PTPN23: variants seen among roughly 807,000 people sequenced by gnomAD.
PTPN23 encodes the protein tyrosine-protein phosphatase non-receptor type 23.
Under a neutral mutation model 156.3 loss-of-function variants are expected in PTPN23, and 72 were observed. That is an observed-to-expected ratio of 0.46 (90% CI 0.38 to 0.56). PTPN23 has a LOEUF of 0.56. PTPN23 is among the 20% of genes least tolerant of loss of function. The pLI is 0.00. For missense variants in PTPN23, 1,974 were observed against 2,171.5 expected (o/e 0.91, Z 1.81); for synonymous variants, 957 against 899.6 (o/e 1.06, Z -1.14).
Position 47,406,608 on chromosome 3 carries a change from C to T in PTPN23, c.755C>T (p.Ala252Val). ...QMKIYYFAAV[A>V]HLHMGKQAEE... is the part of the protein sequence containing the mutation. ...AAGATCTACTACTTCGCAGCCGTGG[C>T]TCATGTGAGGGCCTGGGGCCCCAGG... Residue 252 changes from alanine to valine, a missense_variant, in exon 8 of 25, where the codon GCT becomes GTT. This residue lies in a region of PTPN23 where 726 missense variants were observed against 929.5 expected (regional missense o/e 0.78). Transcript: ENST00000265562. The surrounding 1 kb of genome is among the most constrained non-coding windows in gnomAD (Gnocchi z 5.8). 1 of 1,613,846 alleles carries T rather than the reference C, an allele frequency of 6.2e-7. No individual in the cohort carries two copies. Among genetic ancestry groups the T allele is most frequent in the Non-Finnish European group, 8.5e-7 (1 of 1,179,974 alleles).
rs1029269195 is a variant in PTPN23, at chr3:47,406,060, C to G, written c.546+14C>G. 5 of 1,609,664 alleles carry G rather than the reference C, an allele frequency of 3.1e-6. No individual in the cohort carries two copies. The highest frequency in any genetic ancestry group is 2.7e-5 in the African/African-American group (2 of 74,858). On this transcript the variant is annotated intron_variant, in intron 6 of 24. Transcript: ENST00000265562. This position sits in a 1 kb window ranked among gnomAD's most constrained non-coding sequence, Gnocchi z 5.8. Reference sequence around the variant, plus strand: ...AACCTCATGCTGGTGAGGAGGCGCCCTGGTTGGAGTGGAGTTGAATCCAGG... The same window carrying G: ...AACCTCATGCTGGTGAGGAGGCGCCGTGGTTGGAGTGGAGTTGAATCCAGG...
chr3:47,398,783 T>G (rs1381507752), intron 2 of PTPN23, among the ~76,000 whole-genome samples: 2 of 152,204 alleles, frequency 1.3e-5, no homozygotes, highest in African/African-American at 4.8e-5. Flanking sequence ...CAGGCTGGTC[T>G]CAAACTCCTG....
rs755252591 is a variant in PTPN23, at chr3:47,412,700, TCTC to T, written c.4432-5_4432-3del. On this transcript the variant is annotated splice_region_variant and splice_polypyrimidine_tract_variant and intron_variant, in intron 24 of 24. Coordinates refer to ENST00000265562, the MANE Select transcript of PTPN23 (RefSeq NM_015466.4). Reference sequence around the variant, plus strand: ...CTCCCTCTCCTCACTCACTCTGTCTTCTCAGAACCACCTTCCTCAGGACTCCCA... The same window carrying T: ...CTCCCTCTCCTCACTCACTCTGTCTTAGAACCACCTTCCTCAGGACTCCCA... The T allele has an allele frequency of 6.3e-7, 1 of 1,597,260 alleles. No individual in the cohort carries two copies. The highest frequency in any genetic ancestry group is 1.7e-5 in the Admixed American group (1 of 59,354).
rs2107715895 is a variant in PTPN23 at position 47,406,808 on chromosome 3, TG to T, written c.807+59del. The T allele has an allele frequency of 6.2e-7, 1 of 1,602,366 alleles. No homozygotes were observed. Among genetic ancestry groups the T allele is most frequent in the African/African-American group, 1.3e-5 (1 of 74,782 alleles). ...ATGGCAGCCTTCAGTGAGATGCCGG[TG>T]TGCTCCCGCTCCTTACACACCAGGG... On this transcript the variant is annotated intron_variant, in intron 9 of 24. Coordinates refer to ENST00000265562, the MANE Select transcript of PTPN23 (RefSeq NM_015466.4). This position sits in a 1 kb window ranked among gnomAD's most constrained non-coding sequence, Gnocchi z 5.8.
At position 47,411,618 on chromosome 3, in the gene PTPN23, T is replaced by C; in HGVS notation, c.3820T>C (p.Trp1274Arg). 1 of 1,612,046 alleles carries C rather than the reference T, an allele frequency of 6.2e-7. No individual in the cohort carries two copies. The highest frequency in any genetic ancestry group is 2.2e-5 in the East Asian group (1 of 44,846). ...APLPGTAADF[W>R]LMVHEQKVSV... The stretch of plus-strand genomic sequence containing the variant: ...ACTGCCTGGCACAGCTGCTGACTTC[T>C]GGCTCATGGTCCATGAGCAGAAAGT... The change falls in exon 20 of 25, where the codon TGG (tryptophan) becomes CGG (arginine). Residue 1274 changes from tryptophan to arginine, a missense_variant. By Grantham distance (101) the Trp-to-Arg change is moderately radical. Around this residue, in one of 4 missense-constraint regions of PTPN23, gnomAD observed 484 missense variants for 516.0 expected, o/e 0.94. Coordinates refer to ENST00000265562, the MANE Select transcript of PTPN23 (RefSeq NM_015466.4). This position sits in a 1 kb window ranked among gnomAD's most constrained non-coding sequence, Gnocchi z 6.3.
Position 47,413,258 on chromosome 3 carries a change from C to A in PTPN23, c.*73C>A. ...GCCCACCTGCCCACACCCAGCAGAG[C>A]TTCTCAGTGGGCACAGTCTCTTACT... On this transcript the variant is annotated 3_prime_UTR_variant, in exon 25 of 25. Coordinates refer to ENST00000265562, the MANE Select transcript of PTPN23 (RefSeq NM_015466.4). The A allele has an allele frequency of 6.5e-7, 1 of 1,528,212 alleles. No homozygotes were observed. The highest frequency in any genetic ancestry group is 8.9e-7 in the Non-Finnish European group (1 of 1,129,094). The allele number at this position is 1,528,212 out of a possible 1,614,324, so 94.7% of individuals were successfully genotyped here.
rs1257032976 is a variant in PTPN23, at chr3:47,402,599, GA to G, written c.160-2051del. Among the ~76,000 whole-genome samples, 3 of 152,018 alleles carry G rather than the reference GA, an allele frequency of 2.0e-5. No individual in the cohort carries two copies. In the East Asian group the frequency reaches 5.8e-4, roughly 29 times the overall value. ...CCAGCCATATCTATCTATTTATATAGAATAAGATAAATTACTTAAATCCTGT... is the reference window on the plus strand; with the variant it reads ...CCAGCCATATCTATCTATTTATATAGATAAGATAAATTACTTAAATCCTGT... On this transcript the variant is annotated intron_variant, in intron 2 of 24. Coordinates refer to ENST00000265562, the MANE Select transcript of PTPN23 (RefSeq NM_015466.4).
At chr3:47,404,609 C>CTATGG in intron 2 of PTPN23, 43 bp from the exon 3 acceptor site, 2 of 1,607,184 alleles carry the variant, frequency 1.2e-6, no homozygotes, top group Non-Finnish European at 1.7e-6. Flanking sequence ...GTGTCCACTG[C>CTATGG]CCCATATGAC....
intron 21 of PTPN23, 46 bp downstream of exon 21, chr3:47,412,013 C>T: frequency 1.9e-6 from 3 of 1,606,382 alleles, no homozygotes; most frequent in Admixed American, 3.4e-5. Context: ...AAGTGCTGTC[C>T]AGTCCTTGGT....
At chr3:47,385,172 G>A (rs1283345749) in intron 1 of PTPN23, among the ~76,000 whole-genome samples, 1 of 152,182 alleles carries the variant, frequency 6.6e-6, no homozygotes, top group Non-Finnish European at 1.5e-5. Flanking sequence ...GATGACTCTT[G>A]TCCTCTTTAT....
At chr3:47,403,978 C>A (rs1453437931) in intron 2 of PTPN23, among the ~76,000 whole-genome samples, 1 of 152,198 alleles carries the variant, frequency 6.6e-6, no homozygotes, top group Non-Finnish European at 1.5e-5. Flanking sequence ...CACCTTTAAT[C>A]CCATCACTTT....
In PTPN23 at chr3:47,407,409, G is replaced by C. The variant is rs763813738; in HGVS notation, c.923+42G>C. ...GGCCCTGGTTCCCTCTTTTTGTGAA[G>C]GGTCTTGTCCCTCTGCTGGCATCTA... On this transcript the variant is annotated intron_variant, in intron 11 of 24. Transcript: ENST00000265562. The surrounding 1 kb of genome is among the most constrained non-coding windows in gnomAD (Gnocchi z 4.0). The C allele has an allele frequency of 1.9e-6, 3 of 1,612,002 alleles. No individual in the cohort carries two copies. The East Asian group carries it at 6.7e-5, about 36-fold the overall frequency.
rs142355354 is a variant in PTPN23, at chr3:47,406,736, A to C, written c.793A>C (p.Lys265Gln). ...GGGAAAGCAGGCCGAGGAGCAGCAG[A>C]AGTTCGGGGAGCGGGTGAGCTACAG... ...HMGKQAEEQQ[K>Q]FGERVAYFQS... The change falls in exon 9 of 25, where the codon AAG becomes CAG. Residue 265 changes from lysine to glutamine, a missense_variant. Transcript: ENST00000265562. The surrounding 1 kb of genome is among the most constrained non-coding windows in gnomAD (Gnocchi z 5.8). 17 of 1,613,722 alleles carry C rather than the reference A, an allele frequency of 1.1e-5. No homozygotes were observed. In the East Asian group the frequency reaches 1.1e-4, roughly 11 times the overall value.
intron 1 of PTPN23, among the ~76,000 whole-genome samples, chr3:47,390,273 A>G (rs1251709403): frequency 1.3e-5 from 2 of 152,044 alleles, no homozygotes; most frequent in Admixed American, 6.6e-5. Flanking sequence ...TTTCACAGCA[A>G]CTCAGGGGCA....
chr3:47,407,627 G>T lies in PTPN23; in HGVS notation c.1003+43G>T, dbSNP rs1033569456. ...TGGGGGCAGAGGTGACGGTGGGGTG[G>T]GGACAGGACACAGGAGGCTGCCTCA... On this transcript the variant is annotated intron_variant, in intron 12 of 24. Coordinates refer to ENST00000265562, the MANE Select transcript of PTPN23 (RefSeq NM_015466.4). The surrounding 1 kb of genome is among the most constrained non-coding windows in gnomAD (Gnocchi z 4.0). 26 of 1,605,620 alleles carry T rather than the reference G, an allele frequency of 1.6e-5. No homozygotes were observed. Among genetic ancestry groups the T allele is most frequent in the Non-Finnish European group, 2.1e-5 (25 of 1,172,632 alleles).
Position 47,406,525 on chromosome 3 carries a change from C to T in PTPN23, c.672C>T (p.Pro224=), listed in dbSNP as rs375545134. 2.7e-5 allele frequency: 44 copies of T among 1,613,842 alleles called. No homozygotes were observed. Among genetic ancestry groups the T allele is most frequent in the African/African-American group, 4.0e-5 (3 of 74,914 alleles). The change falls in exon 8 of 25, where the codon CCC becomes CCT. Residue 224 remains proline (P), a synonymous_variant. Coordinates refer to ENST00000265562, the MANE Select transcript of PTPN23 (RefSeq NM_015466.4). This position sits in a 1 kb window ranked among gnomAD's most constrained non-coding sequence, Gnocchi z 5.8. ...YKEACRALEN[P]DTASLLGRIQ... is the part of the protein sequence containing the mutation. ...AGGCATGCCGGGCCTTGGAGAACCC[C>T]GACACTGCCTCACTGCTGGGCCGGA...
chr3:47,396,290 T>G (rs1046477095), intron 2 of PTPN23, 73 bp downstream of exon 2: 9 of 1,310,142 alleles, frequency 6.9e-6, no homozygotes, highest in Non-Finnish European at 8.6e-6. Flanking sequence ...AGAAACTGCC[T>G]AGGCTGGGCA....
rs1253448805 is a variant in PTPN23 at position 47,411,012 on chromosome 3, CCCT to C, written c.3216_3218del (p.Ser1074del). On this transcript the variant is annotated inframe_deletion, in exon 20 of 25. Transcript: ENST00000265562. The surrounding 1 kb of genome is among the most constrained non-coding windows in gnomAD (Gnocchi z 6.3). ...GGCAGCCCCTCTTACCATTCGAGGG[CCCT>C]CGTCTGCTGGCCAGTCCACCCCTAG... is the stretch of plus-strand genomic sequence containing the variant. 1 of 1,596,352 alleles carries C rather than the reference CCCT, an allele frequency of 6.3e-7. No individual in the cohort carries two copies.
chr3:47,389,089 G>A (rs955679108), intron 1 of PTPN23, among the ~76,000 whole-genome samples: 1 of 151,930 alleles, frequency 6.6e-6, no homozygotes, highest in African/African-American at 2.4e-5. Flanking sequence ...TTCTACTGTC[G>A]GTTTCCATGA....
Sources: gnomAD v4.1 joint callset for allele counts (sites outside exome capture counted in the v4.1 genomes callset) on GRCh38, gnomAD v4.1.1 for gene constraint, gnomAD v4.1.1 regional missense constraint, Gnocchi (gnomAD v3.1) non-coding constraint, MANE v1.5 for transcripts, NCBI Gene and HGNC (gene_info 2026-07-23, HGNC 2026-07-21) for gene names.